Variants in MAGI2 observed in about 807,000 individuals in gnomAD.
MAGI2 encodes membrane-associated guanylate kinase, WW and PDZ domain-containing protein 2.
MAGI2 carries 35 observed loss-of-function variants against 133.3 expected under a neutral mutation model. That is an observed-to-expected ratio of 0.26 (90% confidence interval 0.20 to 0.35). MAGI2 has a LOEUF of 0.35. MAGI2 is among the 10% of genes least tolerant of loss of function. The probability of loss-of-function intolerance (pLI) is 1.00; values close to 1 mark genes in which losing one functional copy is unlikely to be tolerated. For missense variants in MAGI2, 1,636 were observed against 1,863.4 expected, an observed-to-expected ratio of 0.88 and a Z score of 2.25; for synonymous variants, 729 against 710.6, an observed-to-expected ratio of 1.03 and a Z score of -0.41.
At chr7:78,875,862 C>T (rs1259988465) in intron 2 of MAGI2, among the ~76,000 whole-genome samples, 1 of 151,966 alleles carries the variant, frequency 6.6e-6, no homozygotes, top group Non-Finnish European at 1.5e-5. Flanking sequence ...TAGGAAATAA[C>T]AGAAATACAA....
intron 6 of MAGI2, among the ~76,000 whole-genome samples, chr7:78,449,307 G>A (rs1486020921): frequency 1.3e-5 from 2 of 151,934 alleles, no homozygotes; most frequent in African/African-American, 4.8e-5. Context: ...ACTACCGTCA[G>A]GATTTTTGTC....
chr7:78,491,234 C>T (rs1461281945), intron 5 of MAGI2, among the ~76,000 whole-genome samples: 1 of 152,028 alleles, frequency 6.6e-6, no homozygotes, highest in Non-Finnish European at 1.5e-5. Flanking sequence ...ACTTTCAAGC[C>T]AGGAAAGAGG....
At chr7:78,256,699 C>A (rs987009674) in intron 9 of MAGI2, 118 bp from the exon 10 acceptor site, 14 of 800,942 alleles carry the variant, frequency 1.7e-5, no homozygotes, top group Non-Finnish European at 2.6e-5. Context: ...AGTGAGAAAT[C>A]AATTAGAATA....
intron 3 of MAGI2, among the ~76,000 whole-genome samples, chr7:78,535,384 G>T (rs1364463055): frequency 6.6e-6 from 1 of 152,200 alleles, no homozygotes; most frequent in African/African-American, 2.4e-5. Flanking sequence ...AAGGCATTCA[G>T]ATTTGTTTTT....
intron 2 of MAGI2, among the ~76,000 whole-genome samples, chr7:78,657,617 G>C (rs1584991627): frequency 1.4e-5 from 2 of 141,168 alleles, no homozygotes; most frequent in South Asian, 4.5e-4. Context: ...GCAAAAGTTT[G>C]GCGACTTTAA....
chr7:78,711,213 G>C (rs1398509492), intron 2 of MAGI2, among the ~76,000 whole-genome samples: 2 of 152,112 alleles, frequency 1.3e-5, no homozygotes, highest in African/African-American at 4.8e-5. Context: ...GTCTATTTGA[G>C]GTCTGGACTG....
At chr7:79,278,204 C>T (rs951239226) in intron 1 of MAGI2, among the ~76,000 whole-genome samples, 1 of 152,114 alleles carries the variant, frequency 6.6e-6, no homozygotes, top group African/African-American at 2.4e-5. Flanking sequence ...TAGCACCTCC[C>T]CAGCTTCTTG....
At chr7:78,358,177 AAAAAAAAAAAAAAAAAAAAATAT>A (rs1240376754) in intron 7 of MAGI2, 3 of 56,422 alleles carry the variant, frequency 5.3e-5, no homozygotes, top group Non-Finnish European at 1.0e-4. Flanking sequence ...AAAAAAAAAA[AAAAAAAAAAAAAAAAAAAAATAT>A]ATATATATAT....
At chr7:79,214,413 A>ATATATATATATT (rs1829814183) in intron 1 of MAGI2, among the ~76,000 whole-genome samples, 1 of 91,690 alleles carries the variant, frequency 1.1e-5, no homozygotes, top group Non-Finnish European at 2.1e-5. Context: ...CTCTCTATAT[A>ATATATATATATT]TATATATATA....
chr7:78,368,506 AAAAT>A (rs1184900965), intron 7 of MAGI2, among the ~76,000 whole-genome samples: 2 of 152,188 alleles, frequency 1.3e-5, no homozygotes, highest in African/African-American at 4.8e-5. Context: ...GAGTTCTAGA[AAAAT>A]AAATCACATA....
chr7:78,748,629 A>G (rs544475275), intron 2 of MAGI2, among the ~76,000 whole-genome samples: 3 of 152,340 alleles, frequency 2.0e-5, no homozygotes, highest in Admixed American at 2.0e-4. Flanking sequence ...GCTGGACATG[A>G]CATTAGTTTG....
At chr7:78,071,862 T>C (rs914971672) in intron 21 of MAGI2, among the ~76,000 whole-genome samples, 1 of 152,256 alleles carries the variant, frequency 6.6e-6, no homozygotes, top group Non-Finnish European at 1.5e-5. Context: ...GAATTTATTA[T>C]TGCAGCAAGT....
At chr7:78,924,190 T>G (rs1356538512) in intron 2 of MAGI2, among the ~76,000 whole-genome samples, 2 of 152,252 alleles carry the variant, frequency 1.3e-5, no homozygotes, top group Admixed American at 6.5e-5. Flanking sequence ...CTTTATTTCT[T>G]TCTCCTGCCT....
At chr7:78,443,927 G>A (rs1787872946) in intron 6 of MAGI2, among the ~76,000 whole-genome samples, 1 of 152,068 alleles carries the variant, frequency 6.6e-6, no homozygotes, top group African/African-American at 2.4e-5. Flanking sequence ...GAGTAGTTGT[G>A]GGAGGAGAAT....
intron 2 of MAGI2, among the ~76,000 whole-genome samples, chr7:78,657,101 G>A (rs557463335): frequency 3.9e-5 from 6 of 151,938 alleles, no homozygotes; most frequent in African/African-American, 1.4e-4. Context: ...TATGTCATCA[G>A]GGCAAAGCAA....
chr7:78,949,121 A>G (rs563950706), intron 2 of MAGI2, among the ~76,000 whole-genome samples: 1 of 152,296 alleles, frequency 6.6e-6, no homozygotes, highest in Admixed American at 6.5e-5. Flanking sequence ...TGAAAGCAAC[A>G]TTCTGTGTAT....
intron 3 of MAGI2, chr7:78,618,526 AT>A (rs1264631916): frequency 6.6e-6 from 1 of 151,950 alleles, no homozygotes; most frequent in African/African-American, 2.4e-5. Flanking sequence ...TATAAGTAAA[AT>A]TTTTGAAGTC....
chr7:79,239,015 G>A lies in MAGI2; in HGVS notation c.301+214005C>T, dbSNP rs114140052. Among the ~76,000 whole-genome samples the A allele has an allele frequency of 5.9e-3, 898 of 152,152 alleles. 8 individuals are homozygous for A. The highest frequency in any genetic ancestry group is 0.02 in the African/African-American group (819 of 41,502). On this transcript the variant is annotated intron_variant, in intron 1 of 21. Transcript: ENST00000354212. ...TTAGAACACATATAATAATAAAATCGTAGTAACATTCATTAGGAAATAATG... is the reference window on the plus strand; with the variant it reads ...TTAGAACACATATAATAATAAAATCATAGTAACATTCATTAGGAAATAATG...
chr7:79,157,040 G>A (rs982935554), intron 1 of MAGI2, among the ~76,000 whole-genome samples: 1 of 152,162 alleles, frequency 6.6e-6, no homozygotes, highest in East Asian at 1.9e-4. Flanking sequence ...TTTCTCCTAG[G>A]AAGTTGTTGC....
Sources: allele counts gnomAD v4.1 joint callset (sites outside exome capture counted in the v4.1 genomes callset), GRCh38; gene constraint gnomAD v4.1.1; transcripts MANE v1.5; gene names NCBI Gene and HGNC (gene_info 2026-07-23, HGNC 2026-07-21).